The following BICC1 variants were observed in gnomAD, a reference collection of about 807,000 sequenced individuals.
BICC1 encodes protein bicaudal C homolog 1.
In BICC1, 43 loss-of-function variants were observed where a neutral mutation model predicts 111.0. The ratio of observed to expected loss-of-function variants is 0.39; its 90% CI spans 0.30 to 0.50. The LOEUF (loss-of-function observed/expected upper bound fraction) is 0.50. BICC1 is among the 20% of genes least tolerant of loss of function. The probability of loss-of-function intolerance (pLI) is 0.88; values close to 1 mark genes in which losing one functional copy is unlikely to be tolerated. For missense variants in BICC1, 1,091 were observed against 1,203.2 expected (o/e 0.91, Z 1.38); for synonymous variants, 467 against 434.4 (o/e 1.07, Z -0.93).
chr10:58,780,366 A>G (rs1033152450), intron 3 of BICC1, among the ~76,000 whole-genome samples: 3 of 152,128 alleles, frequency 2.0e-5, no homozygotes, highest in African/African-American at 7.2e-5. Flanking sequence ...TAGTCAAACA[A>G]GGGATTTTTC....
intron 17 of BICC1, among the ~76,000 whole-genome samples, chr10:58,811,988 A>G (rs892407075): frequency 2.6e-5 from 4 of 152,216 alleles, no homozygotes; most frequent in African/African-American, 7.2e-5. Context: ...AGGCTGGATT[A>G]TGGAGCCTGT....
chr10:58,751,893 A>G (rs1842000450), intron 3 of BICC1, among the ~76,000 whole-genome samples: 1 of 152,186 alleles, frequency 6.6e-6, no homozygotes, highest in Non-Finnish European at 1.5e-5. Context: ...TTGAGACTGT[A>G]CATATAACAT....
intron 1 of BICC1, among the ~76,000 whole-genome samples, chr10:58,584,934 G>T (rs763531578): frequency 6.6e-6 from 1 of 151,952 alleles, no homozygotes; most frequent in Non-Finnish European, 1.5e-5. Context: ...GTGTATTTTT[G>T]TTTTACTTCA....
chr10:58,625,145 C>T (rs1003981468), intron 2 of BICC1, among the ~76,000 whole-genome samples: 4 of 152,210 alleles, frequency 2.6e-5, no homozygotes, highest in Non-Finnish European at 5.9e-5. Context: ...ACTCTCCGTC[C>T]ACTCCTGATG....
At chr10:58,781,921 C>G (rs559387959) in intron 3 of BICC1, among the ~76,000 whole-genome samples, 1 of 152,084 alleles carries the variant, frequency 6.6e-6, no homozygotes, top group Non-Finnish European at 1.5e-5. Flanking sequence ...GTTTGTTTTT[C>G]TCTGTCCTTA....
At chr10:58,563,700 G>A (rs1843674999) in intron 1 of BICC1, among the ~76,000 whole-genome samples, 1 of 152,172 alleles carries the variant, frequency 6.6e-6, no homozygotes, top group Admixed American at 6.5e-5. Flanking sequence ...TTGACTACAT[G>A]TACTTTGAAA....
At position 58,800,230 on chromosome 10, in the gene BICC1, T is replaced by A; in HGVS notation, c.1762T>A (p.Ser588Thr). 6.2e-7 allele frequency: 1 copy of A among 1,608,430 alleles called. No individual in the cohort carries two copies. Among genetic ancestry groups the A allele is most frequent in the Non-Finnish European group, 8.5e-7 (1 of 1,175,116 alleles). Residue 588 changes from serine to threonine, a missense_variant, in exon 13 of 21, where the codon TCA becomes ACA. Coordinates refer to ENST00000373886, the MANE Select transcript of BICC1 (RefSeq NM_001080512.3). ...AAAATATGGTGCAATATCCACTTCA[T>A]CACTTGGAGAAAAAGTGCTGAGTGC... ...DIKYGAISTS[S>T]LGEKVLSANH...
chr10:58,575,415 T>C (rs192599529), intron 1 of BICC1, among the ~76,000 whole-genome samples: 2 of 152,292 alleles, frequency 1.3e-5, no homozygotes, highest in Admixed American at 1.3e-4. Flanking sequence ...GTCATTACTA[T>C]CTCCATTTTA....
intron 2 of BICC1, among the ~76,000 whole-genome samples, chr10:58,654,637 G>C (rs1190862229): frequency 1.2e-5 from 1 of 84,850 alleles, no homozygotes; most frequent in East Asian, 3.2e-4. Context: ...TAGGTTGCCT[G>C]TTCACTCTGA....
chr10:58,621,067 A>G (rs888846444), intron 2 of BICC1, among the ~76,000 whole-genome samples, 166 bp downstream of exon 2: 5 of 152,200 alleles, frequency 3.3e-5, no homozygotes, highest in African/African-American at 1.2e-4. Flanking sequence ...GGGATGCTGT[A>G]TGAAACTTAA....
At chr10:58,592,199 C>G (rs952421891) in intron 1 of BICC1, among the ~76,000 whole-genome samples, 26 of 152,152 alleles carry the variant, frequency 1.7e-4, no homozygotes, top group Non-Finnish European at 2.9e-5. Flanking sequence ...TGAGAAATAA[C>G]AAGCAGTATT....
chr10:58,718,282 A>C (rs1404331515), intron 3 of BICC1, among the ~76,000 whole-genome samples: 1 of 152,138 alleles, frequency 6.6e-6, no homozygotes, highest in East Asian at 1.9e-4. Context: ...CTATGTCTTC[A>C]CATGGTAGAA....
At chr10:58,824,074 A>C in intron 20 of BICC1, 2 of 984,220 alleles carry the variant, frequency 2.0e-6, no homozygotes, top group Non-Finnish European at 2.4e-6. Context: ...TTAAAATAGC[A>C]AATAAAGCTC....
At chr10:58,738,464 AGT>A (rs1841547884) in intron 3 of BICC1, among the ~76,000 whole-genome samples, 1 of 152,230 alleles carries the variant, frequency 6.6e-6, no homozygotes, top group Admixed American at 6.5e-5. Flanking sequence ...TGTTGGTGCC[AGT>A]ACCATGCTGT....
At chr10:58,768,956 C>T (rs1007275001) in intron 3 of BICC1, among the ~76,000 whole-genome samples, 4 of 151,964 alleles carry the variant, frequency 2.6e-5, no homozygotes, top group African/African-American at 9.7e-5. Context: ...TGTTATTCAG[C>T]CTTAGAAAAA....
At chr10:58,803,931 A>G (rs1405129030) in intron 15 of BICC1, among the ~76,000 whole-genome samples, 1 of 152,218 alleles carries the variant, frequency 6.6e-6, no homozygotes, top group Non-Finnish European at 1.5e-5. Context: ...GATGCCTACA[A>G]GCATTTGATG....
chr10:58,709,807 G>A (rs1840517051), intron 3 of BICC1, among the ~76,000 whole-genome samples: 1 of 152,130 alleles, frequency 6.6e-6, no homozygotes, highest in South Asian at 2.1e-4. Context: ...TAGTCCTAAT[G>A]ATGACTGCCT....
intron 1 of BICC1, among the ~76,000 whole-genome samples, chr10:58,514,118 C>A (rs1413130622): frequency 6.6e-6 from 1 of 152,172 alleles, no homozygotes; most frequent in African/African-American, 2.4e-5. Flanking sequence ...GGACCGAAAA[C>A]AGATTCTGAT....
intron 2 of BICC1, among the ~76,000 whole-genome samples, chr10:58,689,761 G>A (rs1342250460): frequency 6.6e-6 from 1 of 152,296 alleles, no homozygotes; most frequent in Admixed American, 6.5e-5. Context: ...AACAGTCCAC[G>A]GTGGTGTAAG....
Sources: allele counts gnomAD v4.1 joint callset (sites outside exome capture counted in the v4.1 genomes callset), GRCh38; gene constraint gnomAD v4.1.1; transcripts MANE v1.5; gene names NCBI Gene and HGNC (gene_info 2026-07-23, HGNC 2026-07-21).